Variants in CAGE1 observed in about 807,000 individuals in gnomAD.
CAGE1 encodes the protein cancer antigen 1.
CAGE1 carries 66 observed loss-of-function variants against 94.9 expected under a neutral mutation model. That is an observed-to-expected ratio of 0.70 (90% CI 0.57 to 0.85). The LOEUF is 0.85. CAGE1 is among the 40% of genes least tolerant of loss of function. CAGE1 has a pLI of 0.00. For synonymous variants in CAGE1, 319 were observed against 321.0 expected (o/e 0.99, Z 0.07); for missense variants, 865 against 950.4 (o/e 0.91, Z 1.18).
chr6:7,351,120 AC>A (rs1759752197), intron 11 of CAGE1, among the ~76,000 whole-genome samples: 1 of 152,204 alleles, frequency 6.6e-6, no homozygotes, highest in South Asian at 2.1e-4. Context: ...AGCAGATATT[AC>A]AACTGACACC....
At chr6:7,386,897 A>G (rs1261302625) in intron 2 of CAGE1, 82 bp downstream of exon 2, 1 of 933,938 alleles carries the variant, frequency 1.1e-6, no homozygotes, top group Non-Finnish European at 1.6e-6. Flanking sequence ...TGTTCCTTAT[A>G]GTTTTGAAGA....
chr6:7,351,315 C>T (rs1367761721), intron 11 of CAGE1, among the ~76,000 whole-genome samples: 2 of 151,770 alleles, frequency 1.3e-5, no homozygotes, highest in Non-Finnish European at 2.9e-5. Flanking sequence ...TAAACAATTA[C>T]CAACAAAAAA....
chr6:7,336,635 G>T (rs143566033), intron 11 of CAGE1, among the ~76,000 whole-genome samples: 1 of 152,066 alleles, frequency 6.6e-6, no homozygotes, highest in East Asian at 1.9e-4. Context: ...TCAGCTTCCC[G>T]AATAGCTGGG....
At position 7,363,862 on chromosome 6, in the gene CAGE1, C is replaced by G. The variant is rs542448667; in HGVS notation, c.2193+1606G>C. Among the ~76,000 whole-genome samples the G allele has an allele frequency of 1.8e-4, 28 of 152,338 alleles. No homozygotes were observed. In the South Asian group the frequency reaches 5.6e-3, roughly 30 times the overall value. On this transcript the variant is annotated intron_variant, in intron 9 of 13. Coordinates refer to ENST00000502583, the MANE Select transcript of CAGE1 (RefSeq NM_001170692.2). ...GCCATTATGATAACTGCTTACATTC[C>G]TTAATTTATTCAGGAGTGCAAAATA...
At chr6:7,378,488 T>C (rs779539114) in intron 4 of CAGE1, 129 bp downstream of exon 4, 20 of 686,930 alleles carry the variant, frequency 2.9e-5, no homozygotes, top group Non-Finnish European at 4.4e-5. Context: ...AATGCATCCT[T>C]TAATACTCCA....
At chr6:7,332,394 C>A (rs1047002508) in intron 12 of CAGE1, among the ~76,000 whole-genome samples, 4 of 152,202 alleles carry the variant, frequency 2.6e-5, no homozygotes, top group African/African-American at 9.7e-5. Flanking sequence ...AAGAATCTGG[C>A]ATTCTCTTCT....
At position 7,356,146 on chromosome 6, in the gene CAGE1, G is replaced by C; in HGVS notation, c.2194-17C>G. ...TTTTGTGATCTATGGAGAAATATCA[G>C]TAAACATACTAATCTGGAACCTGCC... is the stretch of plus-strand genomic sequence containing the variant. On this transcript the variant is annotated splice_polypyrimidine_tract_variant and intron_variant, in intron 9 of 13. Transcript: ENST00000502583. 7.3e-7 allele frequency: 1 copy of C among 1,368,524 alleles called. No homozygotes were observed. The highest frequency in any genetic ancestry group is 1.0e-6 in the Non-Finnish European group (1 of 982,348). The allele number at this position is 1,368,524 out of a possible 1,614,324, so 84.8% of individuals were successfully genotyped here.
intron 11 of CAGE1, among the ~76,000 whole-genome samples, chr6:7,346,864 AAAAAAAG>A (rs1317858439): frequency 1.9e-4 from 24 of 128,076 alleles, no homozygotes; most frequent in East Asian, 4.8e-4. Context: ...TCTCAAAAAA[AAAAAAAG>A]AAGAAAGAAA....
At chr6:7,344,123 G>A (rs1249137362) in intron 11 of CAGE1, among the ~76,000 whole-genome samples, 1 of 152,224 alleles carries the variant, frequency 6.6e-6, no homozygotes, top group African/African-American at 2.4e-5. Context: ...GGTGGCACTT[G>A]AGGAGCCCTT....
chr6:7,367,531 T>C (rs1221248960), intron 7 of CAGE1, among the ~76,000 whole-genome samples: 1 of 152,170 alleles, frequency 6.6e-6, no homozygotes, highest in East Asian at 1.9e-4. Context: ...TCCCTCAGCC[T>C]CCCAAAATGC....
intron 9 of CAGE1, among the ~76,000 whole-genome samples, chr6:7,358,040 A>G (rs866541022): frequency 1.1e-3 from 82 of 74,054 alleles, no homozygotes; most frequent in Middle Eastern, 0.012. Flanking sequence ...ATATATATAT[A>G]TATATATATA....
intron 4 of CAGE1, 52 bp from the exon 5 acceptor site, chr6:7,374,183 CT>C: frequency 6.9e-7 from 1 of 1,459,276 alleles, no homozygotes; most frequent in Admixed American, 2.0e-5. Context: ...AGATAATGAG[CT>C]TTCAAGTCAA....
rs1290570331 is a variant in CAGE1, at chr6:7,334,012, G to A, written c.2438+10C>T. The A allele has an allele frequency of 1.3e-6, 2 of 1,491,538 alleles. No homozygotes were observed. The highest frequency in any genetic ancestry group is 1.8e-6 in the Non-Finnish European group (2 of 1,097,508). 92.4% of individuals were successfully genotyped at this position (1,491,538 alleles called of 1,614,324 possible). ...GACATTATTAATTTTAAAAATAAAG[G>A]GAAACTTACCTTGGTTTTCTGGCTT... On this transcript the variant is annotated intron_variant, in intron 12 of 13. Coordinates refer to ENST00000502583, the MANE Select transcript of CAGE1 (RefSeq NM_001170692.2).
intron 4 of CAGE1, 55 bp from the exon 5 acceptor site, chr6:7,374,186 T>A (rs765587199): frequency 1.4e-6 from 2 of 1,428,680 alleles, no homozygotes; most frequent in Admixed American, 3.9e-5. Flanking sequence ...TAATGAGCTT[T>A]CAAGTCAAAT....
chr6:7,340,445 G>A (rs1422877553), intron 11 of CAGE1, among the ~76,000 whole-genome samples: 4 of 152,060 alleles, frequency 2.6e-5, no homozygotes, highest in Non-Finnish European at 5.9e-5. Context: ...AGTTTTTTAA[G>A]AGAACATAGA....
At chr6:7,345,180 C>CT (rs1215693364) in intron 11 of CAGE1, among the ~76,000 whole-genome samples, 2 of 136,686 alleles carry the variant, frequency 1.5e-5, no homozygotes, top group Non-Finnish European at 3.1e-5. Flanking sequence ...TATGACACTC[C>CT]TTGTGAAGGT....
chr6:7,381,536 CTTT>C (rs35581180), intron 3 of CAGE1, among the ~76,000 whole-genome samples: 3 of 143,040 alleles, frequency 2.1e-5, no homozygotes, highest in Non-Finnish European at 3.0e-5. Flanking sequence ...TATTACGTGC[CTTT>C]TTTTTTTTTT....
intron 12 of CAGE1, among the ~76,000 whole-genome samples, chr6:7,330,115 C>A (rs531158836): frequency 6.6e-6 from 1 of 152,118 alleles, no homozygotes; most frequent in African/African-American, 2.4e-5. Context: ...AGGCAGGTTG[C>A]GGTGGCTCAC....
intron 5 of CAGE1, among the ~76,000 whole-genome samples, chr6:7,370,813 A>G (rs745582536): frequency 6.6e-6 from 1 of 152,206 alleles, no homozygotes; most frequent in Non-Finnish European, 1.5e-5. Flanking sequence ...TACACTTGTG[A>G]AAAATGAGAG....
Sources: gnomAD v4.1 joint callset for allele counts (sites outside exome capture counted in the v4.1 genomes callset) on GRCh38, gnomAD v4.1.1 for gene constraint, MANE v1.5 for transcripts, NCBI Gene and HGNC (gene_info 2026-07-23, HGNC 2026-07-21) for gene names.